TMEM132E: variants seen among roughly 807,000 people sequenced by gnomAD.
TMEM132E encodes transmembrane protein 132E.
In TMEM132E, 49 loss-of-function variants were observed where a neutral mutation model predicts 78.5. That is an observed-to-expected ratio of 0.62 (90% CI 0.50 to 0.79). The LOEUF is 0.79. Ranked by LOEUF, TMEM132E falls within the 30% of genes least tolerant of loss-of-function variation. The pLI is 0.00. For missense variants in TMEM132E, 1,403 were observed against 1,470.9 expected, an observed-to-expected ratio of 0.95 and a Z score of 0.75; for synonymous variants, 715 against 670.6, an observed-to-expected ratio of 1.07 and a Z score of -1.02.
chr17:34,605,565 G>T (rs879630858), intron 1 of TMEM132E, among the ~76,000 whole-genome samples: 2 of 152,198 alleles, frequency 1.3e-5, no homozygotes, highest in Non-Finnish European at 2.9e-5. Context: ...TTGCCTACAG[G>T]CGGAGGAAGG....
At chr17:34,606,349 A>G (rs1906413458) in intron 1 of TMEM132E, among the ~76,000 whole-genome samples, 2 of 152,248 alleles carry the variant, frequency 1.3e-5, no homozygotes, top group Admixed American at 1.3e-4. Context: ...CTCCATCTCA[A>G]AAAATAAATA....
At chr17:34,614,506 G>T (rs1906713606) in intron 1 of TMEM132E, 1 of 152,204 alleles carries the variant, frequency 6.6e-6, no homozygotes, top group South Asian at 2.1e-4. Context: ...AGCCTTTCTT[G>T]TCTTCATAAG....
At chr17:34,596,677 C>T (rs1398364134) in intron 1 of TMEM132E, among the ~76,000 whole-genome samples, 2 of 152,000 alleles carry the variant, frequency 1.3e-5, no homozygotes, top group African/African-American at 4.8e-5. Context: ...GGTCTCCCAG[C>T]CCTGATGTGT....
chr17:34,591,222 C>G (rs1313767405), intron 1 of TMEM132E, among the ~76,000 whole-genome samples: 1 of 152,052 alleles, frequency 6.6e-6, no homozygotes, highest in Admixed American at 6.6e-5. Flanking sequence ...CCTTGGTGTA[C>G]AGGAGCATCC....
At chr17:34,603,011 C>T (rs56983696) in intron 1 of TMEM132E, among the ~76,000 whole-genome samples, 13,220 of 152,156 alleles carry the variant, frequency 0.087, 1,723 homozygotes, top group African/African-American at 0.28. Context: ...GTGGCATTGC[C>T]TCCCAGGGAG....
intron 1 of TMEM132E, among the ~76,000 whole-genome samples, chr17:34,620,728 C>T: frequency 6.6e-6 from 1 of 152,336 alleles, no homozygotes; most frequent in African/African-American, 2.4e-5. Flanking sequence ...CAGAGCAGAA[C>T]AGTGGCAGAG....
chr17:34,582,448 G>A (rs1384496422), intron 1 of TMEM132E, among the ~76,000 whole-genome samples: 1 of 152,132 alleles, frequency 6.6e-6, no homozygotes, highest in African/African-American at 2.4e-5. Flanking sequence ...GGGGCTAGGA[G>A]GGGGGCGGGG....
intron 1 of TMEM132E, among the ~76,000 whole-genome samples, chr17:34,591,896 T>C (rs1905880427): frequency 6.6e-6 from 1 of 152,224 alleles, no homozygotes; most frequent in African/African-American, 2.4e-5. Context: ...CTGGGAGTAA[T>C]ATCCTCTCTC....
chr17:34,587,576 G>A (rs990723851), intron 1 of TMEM132E, among the ~76,000 whole-genome samples: 110 of 152,174 alleles, frequency 7.2e-4, no homozygotes, highest in African/African-American at 2.4e-3. Context: ...GCCCCTCCTG[G>A]TCTCTCCTTC....
intron 3 of TMEM132E, 39 bp from the exon 4 acceptor site, chr17:34,628,973 C>T: frequency 6.6e-7 from 1 of 1,521,562 alleles, no homozygotes. Flanking sequence ...GCTCCCAGCC[C>T]TTCATCCTCT....
intron 1 of TMEM132E, among the ~76,000 whole-genome samples, chr17:34,585,279 G>T (rs907803860): frequency 6.6e-6 from 1 of 152,218 alleles, no homozygotes; most frequent in Non-Finnish European, 1.5e-5. Flanking sequence ...TACCAGAGCT[G>T]GACTTGGGTG....
chr17:34,599,539 T>C (rs111462395), intron 1 of TMEM132E, among the ~76,000 whole-genome samples: 1 of 152,216 alleles, frequency 6.6e-6, no homozygotes, highest in Non-Finnish European at 1.5e-5. Context: ...CAGGTGTTAA[T>C]TTCGTAATGA....
rs372205479 is a variant in TMEM132E, at chr17:34,583,017, G to T, written c.67+1874G>T. Among the ~76,000 whole-genome samples, 413 of 152,340 alleles carry T rather than the reference G, an allele frequency of 2.7e-3. 2 individuals carry two copies. The highest frequency in any genetic ancestry group is 9.3e-3 in the African/African-American group (386 of 41,564). Reference sequence around the variant, plus strand: ...CCAGAATCCTGCCTGTTCCTAAGACGCAGTTCCAGCTGGGCCTTAGCGTCC... The same window carrying T: ...CCAGAATCCTGCCTGTTCCTAAGACTCAGTTCCAGCTGGGCCTTAGCGTCC... On this transcript the variant is annotated intron_variant, in intron 1 of 8. Transcript: ENST00000631683.
At chr17:34,628,974 T>G (rs751429933) in intron 3 of TMEM132E, 38 bp from the exon 4 acceptor site, 3 of 1,521,374 alleles carry the variant, frequency 2.0e-6, no homozygotes, top group Non-Finnish European at 2.6e-6. Context: ...CTCCCAGCCC[T>G]TCATCCTCTG....
At chr17:34,622,939 G>A (rs938562363) in intron 1 of TMEM132E, among the ~76,000 whole-genome samples, 3 of 152,136 alleles carry the variant, frequency 2.0e-5, no homozygotes, top group African/African-American at 4.8e-5. Flanking sequence ...GAGAGACAGC[G>A]CTACTTTAGA....
At chr17:34,613,189 ACACACACC>A (rs1266356743) in intron 1 of TMEM132E, among the ~76,000 whole-genome samples, 17 of 110,358 alleles carry the variant, frequency 1.5e-4, no homozygotes, top group African/African-American at 2.9e-4. Context: ...ACACACACAC[ACACACACC>A]CACACACACA....
chr17:34,605,478 T>C (rs906954774), intron 1 of TMEM132E, among the ~76,000 whole-genome samples: 9 of 152,000 alleles, frequency 5.9e-5, no homozygotes, highest in African/African-American at 2.2e-4. Context: ...CATCACAGCA[T>C]CCTGACCCCA....
Position 34,638,380 on chromosome 17 carries a change from GC to G in TMEM132E, c.*150del. On this transcript the variant is annotated 3_prime_UTR_variant, in exon 9 of 9. Transcript: ENST00000631683. The stretch of plus-strand genomic sequence containing the variant: ...TGCAGCTTGGCTCCGTGCGGAGCGG[GC>G]CGCCTCAGTGTCTGGGCCTTCCCTC... The G allele has an allele frequency of 1.1e-6, 1 of 880,652 alleles. No homozygotes were observed. Among genetic ancestry groups the G allele is most frequent in the Non-Finnish European group, 1.7e-6 (1 of 599,664 alleles). 54.6% of individuals were successfully genotyped at this position (880,652 alleles called of 1,614,324 possible).
intron 2 of TMEM132E, among the ~76,000 whole-genome samples, chr17:34,627,469 T>TGTGTGCGTGCGCGCGCGCGC (rs1292354113): frequency 4.7e-4 from 53 of 112,092 alleles, no homozygotes; most frequent in African/African-American, 1.6e-3. Flanking sequence ...AAAAGAATCG[T>TGTGTGCGTGCGCGCGCGCGC]GTGTGTGTGT....
Sources: allele counts gnomAD v4.1 joint callset (sites outside exome capture counted in the v4.1 genomes callset), GRCh38; gene constraint gnomAD v4.1.1; transcripts MANE v1.5; gene names NCBI Gene and HGNC (gene_info 2026-07-23, HGNC 2026-07-21).